USP47: variants seen among roughly 807,000 people sequenced by gnomAD.
USP47 encodes ubiquitin specific peptidase 47, also known as ubiquitin carboxyl-terminal hydrolase 47.
Under a neutral mutation model 165.1 loss-of-function variants are expected in USP47, and 35 were observed. That is an observed-to-expected ratio of 0.21 (90% CI 0.16 to 0.28). USP47 has a LOEUF of 0.28. Among genes scored for constraint, USP47 ranks in the 10% least tolerant of loss-of-function variants. USP47 has a pLI of 1.00. For synonymous variants in USP47, 531 were observed against 544.5 expected, an observed-to-expected ratio of 0.98 and a Z score of 0.35; for missense variants, 1,277 against 1,607.4, an observed-to-expected ratio of 0.79 and a Z score of 3.52.
At chr11:11,877,491 A>G (rs895467347) in intron 1 of USP47, among the ~76,000 whole-genome samples, 18 of 152,236 alleles carry the variant, frequency 1.2e-4, no homozygotes, top group Non-Finnish European at 2.9e-5. Context: ...AATTCTATGT[A>G]TAAGGATTTT....
intron 13 of USP47, 90 bp downstream of exon 13, chr11:11,930,210 AT>A (rs1854561330): frequency 8.1e-7 from 1 of 1,232,862 alleles, no homozygotes; most frequent in Non-Finnish European, 1.2e-6. Flanking sequence ...TAACCAAGGG[AT>A]TGAGGAACTA....
intron 4 of USP47, among the ~76,000 whole-genome samples, chr11:11,894,259 C>G (rs1042710180): frequency 6.6e-6 from 1 of 152,060 alleles, no homozygotes; most frequent in African/African-American, 2.4e-5. Context: ...GGTTTGAGAC[C>G]AGCCTGGCTA....
chr11:11,888,508 A>T (rs1482895155), intron 3 of USP47, among the ~76,000 whole-genome samples: 1 of 152,164 alleles, frequency 6.6e-6, no homozygotes, highest in Admixed American at 6.5e-5. Flanking sequence ...CTAGGAAGAA[A>T]TTGAGTCTCT....
chr11:11,942,750 T>G lies in USP47; in HGVS notation c.2729T>G (p.Ile910Ser). 6.2e-7 allele frequency: 1 copy of G among 1,613,592 alleles called. No homozygotes were observed. Among genetic ancestry groups the G allele is most frequent in the Non-Finnish European group, 8.5e-7 (1 of 1,179,720 alleles). The change falls in exon 20 of 28, where the codon ATT becomes AGT. Residue 910 changes from isoleucine to serine, a missense_variant. By Grantham distance (142) the Ile-to-Ser change is moderately radical (BLOSUM62 -2). This residue lies in a region of USP47 where 909 missense variants were observed against 1,068.1 expected (regional missense o/e 0.85). Transcript: ENST00000527733. Reference protein sequence around the residue: ...SVDNRELEQHIQTSDPENFQS... With the variant: ...SVDNRELEQHSQTSDPENFQS... ...GATAATAGAGAACTTGAACAGCATA[T>G]TCAGACTTCTGATCCAGAAAATTTT...
chr11:11,875,033 TTGTGTGTGTGTGTGTGTG>T (rs57342188), intron 1 of USP47, among the ~76,000 whole-genome samples: 116 of 95,420 alleles, frequency 1.2e-3, no homozygotes, highest in Non-Finnish European at 2.2e-3. Context: ...AATTGACTTA[TTGTGTGTGTGTGTGTGTG>T]TGTGTGTGTG....
intron 1 of USP47, among the ~76,000 whole-genome samples, chr11:11,867,640 A>G (rs1849768045): frequency 6.6e-6 from 1 of 152,144 alleles, no homozygotes; most frequent in African/African-American, 2.4e-5. Context: ...GTTTTTGTGG[A>G]TGTCATCTAC....
chr11:11,860,581 A>C (rs2134189648), intron 1 of USP47, among the ~76,000 whole-genome samples: 1 of 152,354 alleles, frequency 6.6e-6, no homozygotes, highest in South Asian at 2.1e-4. Context: ...GCATGGTAAC[A>C]GATAATATAA....
Position 11,947,969 on chromosome 11 carries a change from G to C in USP47, c.3116G>C (p.Arg1039Thr). The change falls in exon 21 of 28, where the codon AGA becomes ACA. Residue 1039 changes from arginine to threonine, a missense_variant. Transcript: ENST00000527733. ...HKWLMVHVDKRITLAAFKQHL... is the reference protein window; with the variant it reads ...HKWLMVHVDKTITLAAFKQHL... ...GGGTTGATGGTGCATGTTGATAAAAGAATTACTCTGGCAGCTTTCAAACAA... is the reference window on the plus strand; with the variant it reads ...GGGTTGATGGTGCATGTTGATAAAACAATTACTCTGGCAGCTTTCAAACAA... 1 of 1,610,638 alleles carries C rather than the reference G, an allele frequency of 6.2e-7. No individual in the cohort carries two copies. Among genetic ancestry groups the C allele is most frequent in the Non-Finnish European group, 8.5e-7 (1 of 1,178,910 alleles).
intron 11 of USP47, among the ~76,000 whole-genome samples, chr11:11,925,325 GTC>G (rs1361019840): frequency 6.6e-6 from 1 of 151,956 alleles, no homozygotes; most frequent in Non-Finnish European, 1.5e-5. Context: ...AGCCATGATG[GTC>G]TTGATCTCCT....
At chr11:11,915,548 A>C (rs531901279) in intron 8 of USP47, among the ~76,000 whole-genome samples, 17 of 152,250 alleles carry the variant, frequency 1.1e-4, no homozygotes, top group African/African-American at 3.9e-4. Context: ...ATGAATGCCA[A>C]TATCATGGTT....
In USP47 at chr11:11,930,895, C is replaced by T. The variant is rs560664600; in HGVS notation, c.1651+144C>T. The T allele has an allele frequency of 1.2e-4, 75 of 601,664 alleles. No homozygotes were observed. In the African/African-American group the frequency reaches 1.3e-3, roughly 11 times the overall value. 37.3% of individuals were successfully genotyped at this position (601,664 alleles called of 1,614,324 possible). On this transcript the variant is annotated intron_variant, in intron 14 of 27. Transcript: ENST00000527733. ...GAAGAATTATTTACAAAGACTGTTA[C>T]AAAATAATACCAAATGTTAAGGACC...
intron 1 of USP47, among the ~76,000 whole-genome samples, chr11:11,875,178 C>T (rs1850330622): frequency 6.6e-6 from 1 of 151,718 alleles, no homozygotes; most frequent in South Asian, 2.1e-4. Context: ...AAAGCGGTAC[C>T]TTCATAATTT....
intron 1 of USP47, among the ~76,000 whole-genome samples, chr11:11,859,323 C>T (rs1372037694): frequency 6.6e-6 from 1 of 152,060 alleles, no homozygotes; most frequent in Admixed American, 6.5e-5. Flanking sequence ...TTGGTAGGCT[C>T]TTTGAGAAAG....
rs1856025357 is a variant in USP47, at chr11:11,948,822, G to A, written c.3348+264G>A. On this transcript the variant is annotated intron_variant, in intron 22 of 27. Transcript: ENST00000527733. The stretch of plus-strand genomic sequence containing the variant: ...ACAAAAGCAGGCAGCAGTGAACTTG[G>A]CCCTCAGGCCACTGTTTGTCATCCC... 4 of 328,974 alleles carry A rather than the reference G, an allele frequency of 1.2e-5. No individual in the cohort carries two copies. The East Asian group carries it at 2.1e-4, about 17-fold the overall frequency. The allele number at this position is 328,974 out of a possible 1,614,324, so 20.4% of individuals were successfully genotyped here. A position where few individuals can be genotyped will look rare whatever the true frequency, so the allele number is the denominator to read the frequency against.
At chr11:11,912,097 A>G (rs1389079271) in intron 8 of USP47, among the ~76,000 whole-genome samples, 2 of 152,038 alleles carry the variant, frequency 1.3e-5, no homozygotes, top group Non-Finnish European at 2.9e-5. Context: ...AACTCACAGT[A>G]TTAAATGCTT....
intron 10 of USP47, among the ~76,000 whole-genome samples, chr11:11,921,921 T>TA (rs1170524455): frequency 6.6e-6 from 1 of 151,902 alleles, no homozygotes; most frequent in African/African-American, 2.4e-5. Context: ...AGACTGTATA[T>TA]TAGATGTAGT....
intron 15 of USP47, 79 bp from the exon 16 acceptor site, chr11:11,933,752 C>A: frequency 3.1e-6 from 3 of 982,390 alleles, no homozygotes; most frequent in Non-Finnish European, 3.1e-6. Flanking sequence ...AGTATTTTGA[C>A]AATTAGGAAT....
At chr11:11,900,724 G>A (rs1399270432) in intron 5 of USP47, among the ~76,000 whole-genome samples, 1 of 152,184 alleles carries the variant, frequency 6.6e-6, no homozygotes, top group African/African-American at 2.4e-5. Context: ...AGGAGTAAAG[G>A]AAAGGAAAGA....
At chr11:11,920,584 G>A in intron 10 of USP47, 90 bp downstream of exon 10, 1 of 1,239,036 alleles carries the variant, frequency 8.1e-7, no homozygotes, top group Non-Finnish European at 1.1e-6. Context: ...TAACACTGAT[G>A]TCATTTGGAC....
Sources: allele counts gnomAD v4.1 joint callset (sites outside exome capture counted in the v4.1 genomes callset), GRCh38; gene constraint gnomAD v4.1.1; regional missense constraint gnomAD v4.1.1; transcripts MANE v1.5; gene names NCBI Gene and HGNC (gene_info 2026-07-23, HGNC 2026-07-21).